Variants in NCOR2 observed in about 807,000 individuals in gnomAD.
NCOR2 encodes the protein nuclear receptor corepressor 2.
NCOR2 carries 81 observed loss-of-function variants against 262.9 expected under a neutral mutation model. The ratio of observed to expected loss-of-function variants is 0.31; its 90% CI spans 0.26 to 0.37. NCOR2 has a LOEUF of 0.37. Among genes scored for constraint, NCOR2 ranks in the 10% least tolerant of loss-of-function variants. The probability of loss-of-function intolerance (pLI) is 1.00; values close to 1 mark genes in which losing one functional copy is unlikely to be tolerated. For synonymous variants in NCOR2, 1,659 were observed against 1,559.3 expected (o/e 1.06, Z -1.51); for missense variants, 3,385 against 3,621.4 (o/e 0.93, Z 1.68).
At chr12:124,506,127 C>A (rs1308459386) in intron 1 of NCOR2, among the ~76,000 whole-genome samples, 1 of 152,176 alleles carries the variant, frequency 6.6e-6, no homozygotes, top group Admixed American at 6.5e-5. Flanking sequence ...CACTCCAGGC[C>A]ACATTTATCT....
At chr12:124,551,855 C>T (rs948948010) in intron 1 of NCOR2, among the ~76,000 whole-genome samples, 18 of 152,282 alleles carry the variant, frequency 1.2e-4, no homozygotes, top group Non-Finnish European at 2.6e-4. Context: ...TCTGAGAATC[C>T]GGAACACCCG....
chr12:124,495,993 G>A (rs1178349445), upstream of NCOR2, among the ~76,000 whole-genome samples: 2 of 152,134 alleles, frequency 1.3e-5, no homozygotes, highest in Non-Finnish European at 2.9e-5. This position sits in a 1 kb window ranked among gnomAD's most constrained non-coding sequence, Gnocchi z 4.4. Context: ...GCCAAGGGCA[G>A]AATGACAGCC....
At position 124,481,239 on chromosome 12, in the gene NCOR2, G is replaced by A. The variant is rs539330341; in HGVS notation, c.411+2357C>T. Among the ~76,000 whole-genome samples the A allele has an allele frequency of 2.6e-3, 399 of 152,196 alleles. 2 individuals are homozygous for A. The highest frequency in any genetic ancestry group is 6.8e-3 in the Middle Eastern group (2 of 294). On this transcript the variant is annotated intron_variant, in intron 3 of 46. Transcript: ENST00000405201. This position sits in a 1 kb window ranked among gnomAD's most constrained non-coding sequence, Gnocchi z 4.6. Reference sequence around the variant, plus strand: ...GGATGTGCTGGAAGGGTTGGGCGTCGGGGCAGGGATGCTGGCTGGGGTACC... The same window carrying A: ...GGATGTGCTGGAAGGGTTGGGCGTCAGGGCAGGGATGCTGGCTGGGGTACC...
At position 124,479,130 on chromosome 12, in the gene NCOR2, G is replaced by A. The variant is rs553208922; in HGVS notation, c.411+4466C>T. Among the ~76,000 whole-genome samples the A allele has an allele frequency of 5.9e-5, 9 of 152,314 alleles. No homozygotes were observed. In the South Asian group the frequency reaches 1.4e-3, roughly 25 times the overall value. Reference sequence around the variant, plus strand: ...CTCACCCCTCGGGCCTGCTCTCTGCGCAGAGACAAAACGCGCACCTGGGGG... The same window carrying A: ...CTCACCCCTCGGGCCTGCTCTCTGCACAGAGACAAAACGCGCACCTGGGGG... On this transcript the variant is annotated intron_variant, in intron 3 of 46. Coordinates refer to ENST00000405201, the Ensembl canonical transcript of NCOR2.
intron 8 of NCOR2, among the ~76,000 whole-genome samples, chr12:124,437,181 T>C (rs1440010900): frequency 6.6e-6 from 1 of 152,244 alleles, no homozygotes; most frequent in Non-Finnish European, 1.5e-5. Flanking sequence ...ATTCCTGCCA[T>C]CTACACCCAA....
exon 41 of NCOR2, chr12:124,334,449 A>C: frequency 2.0e-6 from 3 of 1,496,280 alleles, no homozygotes; most frequent in Non-Finnish European, 2.7e-6. Flanking sequence ...CTGTGGGGGG[A>C]GCCACGGGCC....
chr12:124,325,377 G>GCCGGGC, exon 47 of NCOR2: 1 of 246,788 alleles, frequency 4.1e-6, no homozygotes, highest in African/African-American at 3.8e-5. Flanking sequence ...ACCTGACACC[G>GCCGGGC]CCCCCCCCCC....
Position 124,354,249 on chromosome 12 carries a change from C to T in NCOR2, c.3590-53G>A, listed in dbSNP as rs371722567. Reference sequence around the variant, plus strand: ...GGCGTGTCTGTGGCCCTTCCTTCCCCAGGCCCCAGTCCTGAGAGCCACCCT... The same window carrying T: ...GGCGTGTCTGTGGCCCTTCCTTCCCTAGGCCCCAGTCCTGAGAGCCACCCT... On this transcript the variant is annotated intron_variant, in intron 26 of 46. Transcript: ENST00000405201. 7.2e-6 allele frequency: 11 copies of T among 1,517,414 alleles called. No homozygotes were observed. The East Asian group carries it at 1.7e-4, about 23-fold the overall frequency. 94.0% of individuals were successfully genotyped at this position (1,517,414 alleles called of 1,614,324 possible).
At chr12:124,371,896 C>T in intron 20 of NCOR2, 126 bp downstream of exon 22, 2 of 987,940 alleles carry the variant, frequency 2.0e-6, no homozygotes, top group South Asian at 3.6e-5. Context: ...AGTCTGCCTC[C>T]CTAACCACAC....
chr12:124,508,006 C>T (rs75386726), intron 1 of NCOR2, among the ~76,000 whole-genome samples: 7,261 of 152,308 alleles, frequency 0.048, 225 homozygotes, highest in South Asian at 0.12. Context: ...TCCCTGGAGG[C>T]ATCCACCACA....
At chr12:124,563,452 C>T (rs181348829) in intron 1 of NCOR2, among the ~76,000 whole-genome samples, 1 of 152,338 alleles carries the variant, frequency 6.6e-6, no homozygotes, top group East Asian at 1.9e-4. Context: ...CGCTGTGCAA[C>T]CTCAGGCGAG....
Position 124,347,818 on chromosome 12 carries a change from G to GC in NCOR2, c.4072+6dup. On this transcript the variant is annotated splice_region_variant and intron_variant, in intron 30 of 46. Transcript: ENST00000405201. ...GGGCAACGAGGGAGCAGGGAACAGG[G>GC]CAGTACCTTGTGTGATGGACCCGCG... The GC allele has an allele frequency of 3.2e-6, 5 of 1,559,460 alleles. No homozygotes were observed. Among genetic ancestry groups the GC allele is most frequent in the Non-Finnish European group, 4.3e-6 (5 of 1,151,030 alleles).
chr12:124,455,023 T>G (rs1298758511), intron 6 of NCOR2, among the ~76,000 whole-genome samples: 1 of 152,034 alleles, frequency 6.6e-6, no homozygotes, highest in African/African-American at 2.4e-5. Flanking sequence ...CTCGAAAACA[T>G]GATGCTGAGT....
At chr12:124,489,314 G>A (rs6488931) in intron 1 of NCOR2, among the ~76,000 whole-genome samples, 5,044 of 152,232 alleles carry the variant, frequency 0.033, 211 homozygotes, top group African/African-American at 0.093. Flanking sequence ...GCAGCTAAAC[G>A]CTCTAAATAT....
At chr12:124,336,536 T>TA in intron 38 of NCOR2, 1 of 1,306,152 alleles carries the variant, frequency 7.7e-7, no homozygotes, top group Non-Finnish European at 9.9e-7. Context: ...CAAAACAAAA[T>TA]ACCAAAACCA....
rs1037799677 is a variant in NCOR2 at position 124,482,237 on chromosome 12, C to G, written c.411+1359G>C. 6.6e-6 allele frequency among the ~76,000 whole-genome samples: 1 copy of G among 152,138 alleles called. No individual in the cohort carries two copies. Among genetic ancestry groups the G allele is most frequent in the African/African-American group, 2.4e-5 (1 of 41,422 alleles). On this transcript the variant is annotated intron_variant, in intron 3 of 46. Transcript: ENST00000405201. The surrounding 1 kb of genome is among the most constrained non-coding windows in gnomAD (Gnocchi z 6.3). ...AAGCCAGCCAACGACCACACAGACA[C>G]CCCAGCCCCTCCCTCCCCTGGCCCC...
At chr12:124,540,188 G>A (rs1346127252), upstream of NCOR2, among the ~76,000 whole-genome samples, 1 of 142,050 alleles carries the variant, frequency 7.0e-6, no homozygotes, top group Non-Finnish European at 1.5e-5. Flanking sequence ...TGGAGTGACG[G>A]ACATAAACCA....
At chr12:124,554,355 G>C (rs905644045) in intron 1 of NCOR2, among the ~76,000 whole-genome samples, 1 of 152,156 alleles carries the variant, frequency 6.6e-6, no homozygotes, top group African/African-American at 2.4e-5. Context: ...CCTCCAGGCA[G>C]TTCCACATCG....
rs998142961 is a variant in NCOR2, at chr12:124,432,899, G to A, written c.883-2112C>T. On this transcript the variant is annotated intron_variant, in intron 8 of 46. Transcript: ENST00000405201. This position sits in a 1 kb window ranked among gnomAD's most constrained non-coding sequence, Gnocchi z 5.1. ...GGGGGCGGGGAAGGGGACGCAGGGC[G>A]AGCCACCCACACAACCCCAGTTACT... 1.3e-5 allele frequency among the ~76,000 whole-genome samples: 2 copies of A among 152,108 alleles called. No homozygotes were observed. Among genetic ancestry groups the A allele is most frequent in the East Asian group, 3.9e-4 (2 of 5,170 alleles).
Sources: allele counts gnomAD v4.1 joint callset (sites outside exome capture counted in the v4.1 genomes callset), GRCh38; gene constraint gnomAD v4.1.1; non-coding constraint Gnocchi (gnomAD v3.1); transcripts MANE v1.5; gene names NCBI Gene and HGNC (gene_info 2026-07-23, HGNC 2026-07-21).